PCBD2: variants seen among roughly 807,000 people sequenced by gnomAD.
The protein encoded by PCBD2 is pterin-4-alpha-carbinolamine dehydratase 2.
In PCBD2, 12 loss-of-function variants were observed where a neutral mutation model predicts 16.4. The observed-to-expected ratio is 0.73, with a 90% CI of 0.47 to 1.19. The LOEUF (loss-of-function observed/expected upper bound fraction) is 1.19, where lower values mean the gene tolerates loss of function less well. Ranked by LOEUF, PCBD2 falls within the 50% of genes most tolerant of loss-of-function variation. The pLI is 0.00. For synonymous variants in PCBD2, 58 were observed against 61.8 expected, an observed-to-expected ratio of 0.94 and a Z score of 0.29; for missense variants, 138 against 156.8, an observed-to-expected ratio of 0.88 and a Z score of 0.64.
chr5:134,922,689 G>A (rs941055600), intron 2 of PCBD2, among the ~76,000 whole-genome samples: 29 of 149,440 alleles, frequency 1.9e-4, no homozygotes, highest in African/African-American at 6.7e-4. Context: ...TTGAGACGGA[G>A]TCTCGCTCTG....
chr5:134,950,493 A>G (rs963771757), intron 2 of PCBD2, among the ~76,000 whole-genome samples: 2 of 152,182 alleles, frequency 1.3e-5, no homozygotes, highest in Non-Finnish European at 2.9e-5. Flanking sequence ...TCACAGATTG[A>G]TGCACGATTT....
chr5:134,925,082 C>T (rs191178420), intron 2 of PCBD2: 75 of 396,042 alleles, frequency 1.9e-4, no homozygotes, highest in African/African-American at 1.3e-3. Context: ...AATAGGCTTC[C>T]GATTGTTAGG....
intron 2 of PCBD2, among the ~76,000 whole-genome samples, chr5:134,916,359 A>G (rs1750833450): frequency 6.6e-6 from 1 of 152,134 alleles, no homozygotes; most frequent in Admixed American, 6.5e-5. Flanking sequence ...GGTTATGAGC[A>G]TTTTTCAGTT....
chr5:134,947,775 G>GT (rs555180987), intron 2 of PCBD2, among the ~76,000 whole-genome samples: 4,381 of 147,870 alleles, frequency 0.03, 67 homozygotes, highest in South Asian at 0.033. Context: ...CTATGAAGTC[G>GT]TTTTTTTTTT....
At chr5:134,935,736 T>C (rs1751151735) in intron 2 of PCBD2, among the ~76,000 whole-genome samples, 1 of 152,252 alleles carries the variant, frequency 6.6e-6, no homozygotes, top group Admixed American at 6.5e-5. Flanking sequence ...TTAAAAAATA[T>C]AAACCAGTTA....
At chr5:134,952,009 G>A (rs755950730) in intron 2 of PCBD2, among the ~76,000 whole-genome samples, 6 of 151,966 alleles carry the variant, frequency 3.9e-5, no homozygotes, top group Non-Finnish European at 8.8e-5. Flanking sequence ...CTATTTCTTA[G>A]TAGTAGTTTT....
At chr5:134,953,176 TTA>T (rs1175460529) in intron 2 of PCBD2, among the ~76,000 whole-genome samples, 2 of 151,972 alleles carry the variant, frequency 1.3e-5, no homozygotes, top group African/African-American at 4.8e-5. Flanking sequence ...GAGTTTAGTC[TTA>T]TAAAACATGG....
At chr5:134,925,457 A>G in intron 2 of PCBD2, 1 of 398,524 alleles carries the variant, frequency 2.5e-6, no homozygotes, top group Non-Finnish European at 4.4e-6. Context: ...ATGGCTTTGA[A>G]GAAGGCGTGG....
chr5:134,927,289 G>T, intron 2 of PCBD2: 1 of 398,512 alleles, frequency 2.5e-6, no homozygotes, highest in South Asian at 1.3e-4. Context: ...AGGGGGTTGA[G>T]AATGAGTGTG....
intron 2 of PCBD2, among the ~76,000 whole-genome samples, chr5:134,931,839 T>C (rs760424925): frequency 3.3e-5 from 5 of 152,242 alleles, no homozygotes; most frequent in South Asian, 2.1e-4. Flanking sequence ...CGTATGTTAT[T>C]TGCATGTTTT....
At chr5:134,939,065 G>GT (rs1052466045) in intron 2 of PCBD2, among the ~76,000 whole-genome samples, 21 of 151,930 alleles carry the variant, frequency 1.4e-4, no homozygotes, top group African/African-American at 5.1e-4. Context: ...TATTATAATT[G>GT]TTTTTTACTC....
intron 2 of PCBD2, chr5:134,923,858 T>A (rs1433732555): frequency 2.5e-6 from 1 of 394,446 alleles, no homozygotes; most frequent in Non-Finnish European, 4.5e-6. Context: ...GGGCGATCGA[T>A]GAGAAGGCGG....
intron 2 of PCBD2, among the ~76,000 whole-genome samples, chr5:134,914,817 G>A (rs1220499761): frequency 6.6e-6 from 1 of 151,918 alleles, no homozygotes; most frequent in Non-Finnish European, 1.5e-5. Flanking sequence ...GATTACAGGC[G>A]CCCGCCATCA....
intron 2 of PCBD2, among the ~76,000 whole-genome samples, chr5:134,931,526 A>C (rs1389718633): frequency 1.3e-5 from 2 of 152,128 alleles, no homozygotes; most frequent in East Asian, 3.9e-4. Context: ...AAGCCTCCTA[A>C]GGTTAGGTGT....
At position 134,962,523 on chromosome 5, in the gene PCBD2, G is replaced by A. The variant is rs1751491033; in HGVS notation, c.*1842G>A. Reference sequence around the variant, plus strand: ...CTGCCTTGACCCCCCAAAGTGCTGGGATTACAGGCGTGAGCCACTGCGCCT... The same window carrying A: ...CTGCCTTGACCCCCCAAAGTGCTGGAATTACAGGCGTGAGCCACTGCGCCT... On this transcript the variant is annotated 3_prime_UTR_variant, in exon 4 of 4. Transcript: ENST00000254908. Among the ~76,000 whole-genome samples the A allele has an allele frequency of 6.6e-6, 1 of 152,172 alleles. No homozygotes were observed. Among genetic ancestry groups the A allele is most frequent in the South Asian group, 2.1e-4 (1 of 4,830 alleles).
At chr5:134,908,123 C>T (rs936088002) in intron 1 of PCBD2, among the ~76,000 whole-genome samples, 2 of 150,690 alleles carry the variant, frequency 1.3e-5, no homozygotes, top group African/African-American at 2.4e-5. Context: ...GGTCTCATTG[C>T]GTTGCCCAGG....
chr5:134,953,347 C>T (rs1751379699), intron 2 of PCBD2, among the ~76,000 whole-genome samples: 1 of 148,940 alleles, frequency 6.7e-6, no homozygotes, highest in Admixed American at 6.7e-5. Flanking sequence ...AGGTATATAA[C>T]TTGATAGTAC....
chr5:134,929,519 C>T (rs998445991), intron 2 of PCBD2, among the ~76,000 whole-genome samples: 1 of 152,010 alleles, frequency 6.6e-6, no homozygotes, highest in Admixed American at 6.6e-5. Flanking sequence ...GTGACCGTAG[C>T]AAAGTTGGTT....
chr5:134,927,662 T>A (rs1201551598), intron 2 of PCBD2: 11 of 397,904 alleles, frequency 2.8e-5, no homozygotes. Context: ...TGGGGATAAG[T>A]GTGGTTTCGA....
Sources: allele counts gnomAD v4.1 joint callset (sites outside exome capture counted in the v4.1 genomes callset), GRCh38; gene constraint gnomAD v4.1.1; transcripts MANE v1.5; gene names NCBI Gene and HGNC (gene_info 2026-07-23, HGNC 2026-07-21).